SLC1A1: variants seen among roughly 807,000 people sequenced by gnomAD.
SLC1A1 encodes solute carrier family 1 member 1.
Under a neutral mutation model 53.3 loss-of-function variants are expected in SLC1A1, and 43 were observed. The ratio of observed to expected loss-of-function variants is 0.81; its 90% CI spans 0.63 to 1.04. SLC1A1 has a LOEUF of 1.04. Among genes scored for constraint, SLC1A1 ranks in the 50% least tolerant of loss-of-function variants. The pLI is 0.00. For missense variants in SLC1A1, 748 were observed against 664.9 expected (o/e 1.12, Z -1.37); for synonymous variants, 307 against 243.2 (o/e 1.26, Z -2.44).
chr9:4,585,243 T>C (rs1435853690), intron 11 of SLC1A1, 69 bp from the exon 12 acceptor site: 3 of 1,598,082 alleles, frequency 1.9e-6, no homozygotes, highest in Non-Finnish European at 2.6e-6. Flanking sequence ...GTCAGGTCCT[T>C]GCATCTCTCC....
At chr9:4,578,048 A>G (rs1820727526) in intron 10 of SLC1A1, among the ~76,000 whole-genome samples, 1 of 152,252 alleles carries the variant, frequency 6.6e-6, no homozygotes. Context: ...GTGTAAGAGA[A>G]GCACATATAG....
intron 2 of SLC1A1, among the ~76,000 whole-genome samples, chr9:4,550,602 G>A (rs1340966173): frequency 2.6e-5 from 4 of 152,054 alleles, no homozygotes; most frequent in Non-Finnish European, 5.9e-5. Context: ...TATTGCCAGG[G>A]CTGGTCTCAA....
At chr9:4,558,061 A>G (rs1264235777) in intron 2 of SLC1A1, among the ~76,000 whole-genome samples, 1 of 152,186 alleles carries the variant, frequency 6.6e-6, no homozygotes, top group African/African-American at 2.4e-5. Context: ...TATTTGTATT[A>G]TGATTATCAT....
intron 1 of SLC1A1, among the ~76,000 whole-genome samples, chr9:4,522,150 C>T (rs1816099820): frequency 6.8e-6 from 1 of 147,378 alleles, no homozygotes; most frequent in Admixed American, 6.9e-5. Context: ...CTCCTGGGTT[C>T]GTGCCATTCT....
At chr9:4,496,166 G>C (rs897025582) in intron 1 of SLC1A1, among the ~76,000 whole-genome samples, 1 of 152,100 alleles carries the variant, frequency 6.6e-6, no homozygotes, top group Non-Finnish European at 1.5e-5. Flanking sequence ...GAAGAGAAGG[G>C]GCCCACAGGA....
chr9:4,586,606 T>A lies in SLC1A1; in HGVS notation c.*1048T>A, dbSNP rs1186461096. Reference sequence around the variant, plus strand: ...TCATCCAACTGGAAGGCTTTATTCTTCCAAGTTCATTCATACTCAAAGAGG... The same window carrying A: ...TCATCCAACTGGAAGGCTTTATTCTACCAAGTTCATTCATACTCAAAGAGG... On this transcript the variant is annotated 3_prime_UTR_variant, in exon 12 of 12. Coordinates refer to ENST00000262352, the MANE Select transcript of SLC1A1 (RefSeq NM_004170.6). 6.6e-6 allele frequency: 1 copy of A among 152,174 alleles called. No individual in the cohort carries two copies. The highest frequency in any genetic ancestry group is 1.5e-5 in the Non-Finnish European group (1 of 68,022). The allele number at this position is 152,174 out of a possible 1,614,324, so 9.4% of individuals were successfully genotyped here.
chr9:4,510,268 C>T (rs1004482612), intron 1 of SLC1A1, among the ~76,000 whole-genome samples: 1 of 152,206 alleles, frequency 6.6e-6, no homozygotes, highest in Non-Finnish European at 1.5e-5. Flanking sequence ...AAGCCTAGCC[C>T]TAGGCCTCTA....
chr9:4,527,592 T>C (rs1473054030), intron 1 of SLC1A1, among the ~76,000 whole-genome samples: 3 of 152,182 alleles, frequency 2.0e-5, no homozygotes, highest in Admixed American at 1.3e-4. Context: ...ACAATTTTGA[T>C]GGAGATAATC....
At chr9:4,537,592 AT>A (rs201789822) in intron 1 of SLC1A1, among the ~76,000 whole-genome samples, 11,501 of 39,462 alleles carry the variant, frequency 0.29, 3,251 homozygotes, top group Non-Finnish European at 0.35. Flanking sequence ...ATAAAATAAA[AT>A]AAAATAAAAA....
intron 1 of SLC1A1, among the ~76,000 whole-genome samples, chr9:4,534,994 A>C (rs1816619578): frequency 2.0e-5 from 3 of 152,330 alleles, no homozygotes; most frequent in African/African-American, 7.2e-5. Flanking sequence ...AAGGCCTTTG[A>C]CAAAATTCAA....
Position 4,583,280 on chromosome 9 carries a change from A to T in SLC1A1, c.1328+108A>T. On this transcript the variant is annotated intron_variant, in intron 11 of 11. Coordinates refer to ENST00000262352, the MANE Select transcript of SLC1A1 (RefSeq NM_004170.6). This position sits in a 1 kb window ranked among gnomAD's most constrained non-coding sequence, Gnocchi z 4.6. Reference sequence around the variant, plus strand: ...CTCTCCTCAGATTGCCTAATGAGCCACCTGTTGCTGCTTTAATTTTCCTCT... The same window carrying T: ...CTCTCCTCAGATTGCCTAATGAGCCTCCTGTTGCTGCTTTAATTTTCCTCT... 7.2e-7 allele frequency: 1 copy of T among 1,383,632 alleles called. No individual in the cohort carries two copies. Among genetic ancestry groups the T allele is most frequent in the Non-Finnish European group, 1.0e-6 (1 of 975,208 alleles). 85.7% of individuals were successfully genotyped at this position (1,383,632 alleles called of 1,614,324 possible).
chr9:4,562,833 T>G (rs566179582), intron 3 of SLC1A1, among the ~76,000 whole-genome samples: 1 of 152,186 alleles, frequency 6.6e-6, no homozygotes, highest in East Asian at 1.9e-4. Context: ...ACATTTGGGT[T>G]GGTTCCAAGT....
At chr9:4,568,524 C>T (rs148773335) in intron 6 of SLC1A1, among the ~76,000 whole-genome samples, 232 of 151,800 alleles carry the variant, frequency 1.5e-3, no homozygotes, top group African/African-American at 5.0e-3. Flanking sequence ...AGTTTGAGAC[C>T]GGCCTGGGAA....
chr9:4,523,561 A>G (rs1465796063), intron 1 of SLC1A1, among the ~76,000 whole-genome samples: 1 of 152,240 alleles, frequency 6.6e-6, no homozygotes, highest in Non-Finnish European at 1.5e-5. Flanking sequence ...TAATTTGGTC[A>G]TACCAAAAAT....
At chr9:4,528,300 C>G (rs1816336515) in intron 1 of SLC1A1, among the ~76,000 whole-genome samples, 1 of 152,166 alleles carries the variant, frequency 6.6e-6, no homozygotes. Flanking sequence ...GAGGTGGGCA[C>G]AGTGGCTCAT....
intron 1 of SLC1A1, among the ~76,000 whole-genome samples, chr9:4,496,843 G>A (rs1430220421): frequency 6.6e-6 from 1 of 152,174 alleles, no homozygotes; most frequent in African/African-American, 2.4e-5. Context: ...GCTGCAGGGA[G>A]CTTGATCACA....
At chr9:4,498,988 TTATA>T (rs1264356591) in intron 1 of SLC1A1, among the ~76,000 whole-genome samples, 4 of 136,308 alleles carry the variant, frequency 2.9e-5, no homozygotes, top group South Asian at 2.1e-4. Flanking sequence ...ATCTTATATA[TTATA>T]TATAAGATTA....
At chr9:4,584,159 G>A (rs1586873901) in intron 11 of SLC1A1, among the ~76,000 whole-genome samples, 1 of 152,242 alleles carries the variant, frequency 6.6e-6, no homozygotes, top group East Asian at 1.9e-4. Context: ...GCAGGTGACA[G>A]ATGAGATGGA....
At chr9:4,524,216 G>A (rs1816183731) in intron 1 of SLC1A1, among the ~76,000 whole-genome samples, 1 of 152,114 alleles carries the variant, frequency 6.6e-6, no homozygotes, top group Admixed American at 6.5e-5. Flanking sequence ...TATACATTGT[G>A]GAACTCTCAA....
Sources: gnomAD v4.1 joint callset for allele counts (sites outside exome capture counted in the v4.1 genomes callset) on GRCh38, gnomAD v4.1.1 for gene constraint, Gnocchi (gnomAD v3.1) non-coding constraint, MANE v1.5 for transcripts, NCBI Gene and HGNC (gene_info 2026-07-23, HGNC 2026-07-21) for gene names.